SI: variants seen among roughly 807,000 people sequenced by gnomAD.
SI encodes sucrase-isomaltase, intestinal.
SI carries 235 observed loss-of-function variants against 253.3 expected under a neutral mutation model. The ratio of observed to expected loss-of-function variants is 0.93; its 90% CI spans 0.83 to 1.03. The LOEUF (loss-of-function observed/expected upper bound fraction) is 1.03. Ranked by LOEUF, SI falls within the 50% of genes least tolerant of loss-of-function variation. SI has a pLI of 0.00. For synonymous variants in SI, 819 were observed against 712.0 expected (o/e 1.15, Z -2.39); for missense variants, 2,442 against 2,211.1 (o/e 1.10, Z -2.09).
At chr3:165,070,043 G>A (rs1377640323) in intron 3 of SI, among the ~76,000 whole-genome samples, 5 of 147,096 alleles carry the variant, frequency 3.4e-5, no homozygotes, top group Non-Finnish European at 7.5e-5. Flanking sequence ...AATGGTATCA[G>A]ATACAGACAC....
At chr3:165,053,895 A>C (rs939729562) in intron 13 of SI, among the ~76,000 whole-genome samples, 5 of 151,850 alleles carry the variant, frequency 3.3e-5, no homozygotes, top group Admixed American at 6.6e-5. Context: ...ATCACAGTAA[A>C]TTTTTTTTAT....
chr3:165,068,877 G>A, intron 4 of SI, 46 bp from the exon 5 acceptor site: 1 of 1,243,810 alleles, frequency 8.0e-7, no homozygotes, highest in Non-Finnish European at 1.2e-6. Context: ...GATTTATAAT[G>A]TTAACAATTA....
intron 24 of SI, 126 bp from the exon 25 acceptor site, chr3:165,030,993 C>A (rs528720265): frequency 7.6e-7 from 1 of 1,316,542 alleles, no homozygotes; most frequent in Non-Finnish European, 1.0e-6. Flanking sequence ...AATGTGGCAA[C>A]GAGGGCAATT....
chr3:165,053,360 T>C (rs1347987268), intron 13 of SI, among the ~76,000 whole-genome samples: 5 of 152,158 alleles, frequency 3.3e-5, no homozygotes, highest in South Asian at 2.1e-4. Flanking sequence ...GACATAAATA[T>C]TAAAACTTTA....
At position 164,996,625 on chromosome 3, in the gene SI, G is replaced by GA. The variant is rs779227756; in HGVS notation, c.4601dup (p.Asn1535GlnfsTer30). 4 of 1,605,544 alleles carry GA rather than the reference G, an allele frequency of 2.5e-6. No individual in the cohort carries two copies. The African/African-American group carries it at 4.0e-5, about 16-fold the overall frequency. Reference sequence around the variant, plus strand: ...TACAGAGATGATATTCTGAGTTGTTGAAAAAACCACAGATGTCTGCTCCAG... The same window carrying GA: ...TACAGAGATGATATTCTGAGTTGTTGAAAAAAACCACAGATGTCTGCTCCAG... On this transcript the variant is annotated frameshift_variant, in exon 40 of 48. Coordinates refer to ENST00000264382, the MANE Select transcript of SI (RefSeq NM_001041.4). LOFTEE classifies it high-confidence loss of function.
intron 1 of SI, among the ~76,000 whole-genome samples, chr3:165,076,983 T>G (rs1032956500): frequency 6.6e-6 from 1 of 150,832 alleles, no homozygotes; most frequent in African/African-American, 2.4e-5. Flanking sequence ...GGTTTGTTTT[T>G]TTTTTTTTTT....
At chr3:164,981,855 T>C (rs1717203664) in intron 47 of SI, among the ~76,000 whole-genome samples, 1 of 152,166 alleles carries the variant, frequency 6.6e-6, no homozygotes, top group South Asian at 2.1e-4. Flanking sequence ...CCTGTATTAA[T>C]GGGTGCTGAC....
rs1180802086 is a variant in SI, at chr3:165,033,454, A to G, written c.2516-10T>C. On this transcript the variant is annotated splice_polypyrimidine_tract_variant and intron_variant, in intron 22 of 47. Coordinates refer to ENST00000264382, the MANE Select transcript of SI (RefSeq NM_001041.4). ...CCATTTTGTATTGTATCTGAAATGA[A>G]AAATATCGTGATCAGTACAAAATGC... 3 of 1,533,058 alleles carry G rather than the reference A, an allele frequency of 2.0e-6. No homozygotes were observed. Among genetic ancestry groups the G allele is most frequent in the Non-Finnish European group, 2.6e-6 (3 of 1,135,552 alleles). 95.0% of individuals were successfully genotyped at this position (1,533,058 alleles called of 1,614,324 possible).
chr3:165,076,071 C>T (rs1714954550), intron 1 of SI, 59 bp from the exon 2 acceptor site: 1 of 1,169,604 alleles, frequency 8.5e-7, no homozygotes, highest in Non-Finnish European at 1.2e-6. Context: ...AATAAACCAC[C>T]AACAATTCTC....
intron 25 of SI, among the ~76,000 whole-genome samples, chr3:165,029,150 G>GA (rs1168886984): frequency 2.0e-5 from 3 of 150,390 alleles, no homozygotes; most frequent in African/African-American, 7.3e-5. Context: ...AAGAAAAGAT[G>GA]AACAAATGGC....
chr3:165,070,005 C>A (rs998571110), intron 3 of SI, among the ~76,000 whole-genome samples: 1 of 149,148 alleles, frequency 6.7e-6, no homozygotes, highest in South Asian at 2.1e-4. Flanking sequence ...TGTGCACTAA[C>A]CTTTCTCCTA....
At chr3:165,030,977 T>G in intron 24 of SI, 110 bp from the exon 25 acceptor site, 1 of 1,412,522 alleles carries the variant, frequency 7.1e-7, no homozygotes, top group Non-Finnish European at 9.3e-7. Context: ...ATTTTACATT[T>G]CACAAAATGT....
At position 165,023,783 on chromosome 3, in the gene SI, A is replaced by G; in HGVS notation, c.2893-7T>C. 2 of 1,598,016 alleles carry G rather than the reference A, an allele frequency of 1.3e-6. No homozygotes were observed. The highest frequency in any genetic ancestry group is 1.7e-6 in the Non-Finnish European group (2 of 1,166,654). ...CTTTGGATAGAGAAGAACCCTAAAA[A>G]CACAATGCATGTTCATTGCCAGAAA... On this transcript the variant is annotated splice_polypyrimidine_tract_variant and splice_region_variant and intron_variant, in intron 25 of 47. Coordinates refer to ENST00000264382, the MANE Select transcript of SI (RefSeq NM_001041.4).
chr3:165,083,485 T>C (rs1207358127), upstream of SI, among the ~76,000 whole-genome samples: 1 of 152,012 alleles, frequency 6.6e-6, no homozygotes, highest in Non-Finnish European at 1.5e-5. Context: ...ATGACAACTT[T>C]GTGGAACATA....
chr3:165,044,300 G>A (rs1162047729), intron 16 of SI, among the ~76,000 whole-genome samples: 1 of 151,854 alleles, frequency 6.6e-6, no homozygotes, highest in Admixed American at 6.6e-5. Flanking sequence ...TTATTCTATG[G>A]TGTACATACA....
chr3:165,061,565 C>A (rs1713987212), intron 9 of SI, among the ~76,000 whole-genome samples: 2 of 151,862 alleles, frequency 1.3e-5, no homozygotes. Flanking sequence ...CTTTTGAGAT[C>A]ATTTTTGCAA....
chr3:165,019,933 C>T (rs1479733929), intron 27 of SI, among the ~76,000 whole-genome samples, 163 bp from the exon 28 acceptor site: 1 of 151,764 alleles, frequency 6.6e-6, no homozygotes, highest in African/African-American at 2.4e-5. Context: ...TAATCTAATA[C>T]ATGTTTTCTT....
At chr3:165,065,220 A>G in intron 7 of SI, 41 bp downstream of exon 7, 1 of 1,257,046 alleles carries the variant, frequency 8.0e-7, no homozygotes, top group Non-Finnish European at 1.2e-6. Context: ...ATCTGCTGCA[A>G]TATAGTGATT....
intron 34 of SI, among the ~76,000 whole-genome samples, chr3:165,010,910 A>G (rs899252656): frequency 3.3e-5 from 5 of 152,206 alleles, no homozygotes; most frequent in African/African-American, 1.2e-4. Flanking sequence ...TCAAGTTGAA[A>G]TAACACTTTT....
Sources: allele counts gnomAD v4.1 joint callset (sites outside exome capture counted in the v4.1 genomes callset), GRCh38; gene constraint gnomAD v4.1.1; transcripts MANE v1.5; gene names NCBI Gene and HGNC (gene_info 2026-07-23, HGNC 2026-07-21).